The following BRIP1 variants were observed in gnomAD, a reference collection of about 807,000 sequenced individuals.
The protein encoded by BRIP1 is BRCA1 interacting DNA helicase 1, also known as Fanconi anemia group J protein.
A neutral mutation model predicts 119.7 loss-of-function variants in BRIP1; 88 were observed. The observed-to-expected ratio is 0.74, with a 90% confidence interval of 0.62 to 0.88. The LOEUF is 0.88. Ranked by LOEUF, BRIP1 falls within the 40% of genes least tolerant of loss-of-function variation. The probability of loss-of-function intolerance (pLI) is 0.00; values close to 1 mark genes in which losing one functional copy is unlikely to be tolerated. For synonymous variants in BRIP1, 443 were observed against 496.5 expected (o/e 0.89, Z 1.43); for missense variants, 1,259 against 1,455.4 (o/e 0.87, Z 2.20).
At chr17:61,781,938 T>A (rs7207212) in intron 11 of BRIP1, among the ~76,000 whole-genome samples, 24 of 149,062 alleles carry the variant, frequency 1.6e-4, no homozygotes, top group Admixed American at 2.0e-4. Flanking sequence ...AAAAAAAAAG[T>A]AAAATGTGAT....
intron 10 of BRIP1, among the ~76,000 whole-genome samples, chr17:61,788,815 AGGCACG>A (rs1043645994): frequency 2.0e-5 from 3 of 152,070 alleles, no homozygotes; most frequent in African/African-American, 7.2e-5. Flanking sequence ...AAATTAAGCC[AGGCACG>A]GGTGGCTCAT....
chr17:61,801,243 A>G lies in BRIP1; in HGVS notation c.1140+10T>C, dbSNP rs1060504332. ...AGGAAGAAGGTTCTCATTTTTACACATATACTCACACTTTCCCTTATTTGT... is the reference window on the plus strand; with the variant it reads ...AGGAAGAAGGTTCTCATTTTTACACGTATACTCACACTTTCCCTTATTTGT... On this transcript the variant is annotated intron_variant, in intron 8 of 19. Coordinates refer to ENST00000259008, the MANE Select transcript of BRIP1 (RefSeq NM_032043.3). The G allele has an allele frequency of 6.2e-7, 1 of 1,602,186 alleles. No homozygotes were observed. Among genetic ancestry groups the G allele is most frequent in the African/African-American group, 1.3e-5 (1 of 74,754 alleles).
intron 6 of BRIP1, among the ~76,000 whole-genome samples, chr17:61,839,021 A>C (rs1340287805): frequency 1.3e-5 from 2 of 152,134 alleles, no homozygotes; most frequent in Non-Finnish European, 2.9e-5. Context: ...GTCACTTTGC[A>C]AAGACTAAGA....
Position 61,683,342 on chromosome 17 carries a change from T to A in BRIP1, c.3704A>T (p.Lys1235Ile), listed in dbSNP as rs1432536152. 1.2e-6 allele frequency: 2 copies of A among 1,611,572 alleles called. No individual in the cohort carries two copies. The highest frequency in any genetic ancestry group is 1.7e-6 in the Non-Finnish European group (2 of 1,178,376). The stretch of plus-strand genomic sequence containing the variant: ...GCCTTTATTTTTGGAAGGAGATGGT[T>A]TAAAGTTCTTTATTTCTATTTCATG... Reference protein sequence around the residue: ...KTHEIEIKNFKPSPSKNKGMF... With the variant: ...KTHEIEIKNFIPSPSKNKGMF... Residue 1235 changes from lysine to isoleucine, a missense_variant, in exon 20 of 20, where the codon AAA becomes ATA. Lys to Ile is a moderately radical substitution (Grantham distance 102, BLOSUM62 -3). Coordinates refer to ENST00000259008, the MANE Select transcript of BRIP1 (RefSeq NM_032043.3). The surrounding 1 kb of genome is among the most constrained non-coding windows in gnomAD (Gnocchi z 4.7).
At position 61,725,830 on chromosome 17, in the gene BRIP1, T is replaced by C. The variant is rs1439205386; in HGVS notation, c.2380-9767A>G. ...ATTTTAGAGACGCAGTCTCACTACA[T>C]TGCCCAGGCTGGTCTTGAACTCCTG... is the stretch of plus-strand genomic sequence containing the variant. On this transcript the variant is annotated intron_variant, in intron 16 of 19. Coordinates refer to ENST00000259008, the MANE Select transcript of BRIP1 (RefSeq NM_032043.3). This position sits in a 1 kb window ranked among gnomAD's most constrained non-coding sequence, Gnocchi z 5.3. 6.6e-6 allele frequency among the ~76,000 whole-genome samples: 1 copy of C among 152,168 alleles called. No individual in the cohort carries two copies. Among genetic ancestry groups the C allele is most frequent in the African/African-American group, 2.4e-5 (1 of 41,458 alleles).
intron 4 of BRIP1, among the ~76,000 whole-genome samples, chr17:61,850,020 G>A (rs969064970): frequency 4.0e-5 from 6 of 151,676 alleles, no homozygotes; most frequent in Non-Finnish European, 8.8e-5. Flanking sequence ...TATTCTTAAA[G>A]GTACCCTCCT....
At position 61,861,822 on chromosome 17, in the gene BRIP1, C is replaced by T; in HGVS notation, c.-30-253G>A. The T allele has an allele frequency of 2.0e-6, 1 of 498,556 alleles. No individual in the cohort carries two copies. The highest frequency in any genetic ancestry group is 3.6e-6 in the Non-Finnish European group (1 of 275,054). The allele number at this position is 498,556 out of a possible 1,614,324, so 30.9% of individuals were successfully genotyped here. ...GTGTGACTTCGGGAAAGTTAGTTAC[C>T]TTCTCTAAGCCACAGTGACTGCATG... On this transcript the variant is annotated intron_variant, in intron 1 of 19. Coordinates refer to ENST00000259008, the MANE Select transcript of BRIP1 (RefSeq NM_032043.3). This position sits in a 1 kb window ranked among gnomAD's most constrained non-coding sequence, Gnocchi z 4.5.
At position 61,852,400 on chromosome 17, in the gene BRIP1, G is replaced by C. The variant is rs2145791754; in HGVS notation, c.380-3144C>G. 6.6e-6 allele frequency among the ~76,000 whole-genome samples: 1 copy of C among 152,162 alleles called. No individual in the cohort carries two copies. Among genetic ancestry groups the C allele is most frequent in the East Asian group, 1.9e-4 (1 of 5,182 alleles). On this transcript the variant is annotated intron_variant, in intron 4 of 19. Transcript: ENST00000259008. The surrounding 1 kb of genome is among the most constrained non-coding windows in gnomAD (Gnocchi z 4.9). ...TAGAAAAATGGAGGCTGGGCACGGT[G>C]GCTCACACTTGTAATTCAAGCACTT...
In BRIP1 at chr17:61,705,242, G is replaced by T. The variant is rs547315782; in HGVS notation, c.2492+10709C>A. ...TTGCTTAGGATAATGGCCTCCAGTT[G>T]CATCCATGTTGCGGCAAGGACATGA... is the stretch of plus-strand genomic sequence containing the variant. On this transcript the variant is annotated intron_variant, in intron 17 of 19. Transcript: ENST00000259008. This position sits in a 1 kb window ranked among gnomAD's most constrained non-coding sequence, Gnocchi z 5.0. 3.3e-5 allele frequency among the ~76,000 whole-genome samples: 5 copies of T among 152,176 alleles called. No homozygotes were observed. Among genetic ancestry groups the T allele is most frequent in the African/African-American group, 7.2e-5 (3 of 41,536 alleles).
At chr17:61,821,869 G>A (rs1358319596) in intron 6 of BRIP1, among the ~76,000 whole-genome samples, 2 of 152,124 alleles carry the variant, frequency 1.3e-5, no homozygotes, top group African/African-American at 4.8e-5. Context: ...GGGGCTACAG[G>A]TGAATATCAC....
intron 14 of BRIP1, among the ~76,000 whole-genome samples, chr17:61,773,960 A>G (rs1220766693): frequency 6.6e-6 from 1 of 152,194 alleles, no homozygotes; most frequent in Non-Finnish European, 1.5e-5. Flanking sequence ...GGATGTAGAG[A>G]AACAGGAACG....
intron 17 of BRIP1, among the ~76,000 whole-genome samples, chr17:61,702,145 T>C (rs971063874): frequency 1.1e-4 from 16 of 152,208 alleles, no homozygotes; most frequent in Non-Finnish European, 1.5e-5. Flanking sequence ...CTTTTAGAAA[T>C]TTCAGAGGTC....
Position 61,848,977 on chromosome 17 carries a change from G to A in BRIP1, c.507+152C>T, listed in dbSNP as rs186489207. 1.6e-3 allele frequency: 1,406 copies of A among 880,964 alleles called. 2 individuals carry two copies. The highest frequency in any genetic ancestry group is 2.1e-3 in the Non-Finnish European group (1,189 of 556,180). 54.6% of individuals were successfully genotyped at this position (880,964 alleles called of 1,614,324 possible). A position where few individuals can be genotyped will look rare whatever the true frequency, so the allele number is the denominator to read the frequency against. On this transcript the variant is annotated intron_variant, in intron 5 of 19. Coordinates refer to ENST00000259008, the MANE Select transcript of BRIP1 (RefSeq NM_032043.3). This position sits in a 1 kb window ranked among gnomAD's most constrained non-coding sequence, Gnocchi z 4.3. ...GCTATAATAAACTCCTTTGTAACAA[G>A]TAACTCTACAAAATGAAATTACAAC...
In BRIP1 at chr17:61,755,988, T is replaced by C. The variant is rs1320097607; in HGVS notation, c.2098-11397A>G. ...TTTCCACAGAACACAATGTGTTTTA[T>C]TTTAATTTCTTCAGTGGAGATTTTT... On this transcript the variant is annotated intron_variant, in intron 14 of 19. Transcript: ENST00000259008. This position sits in a 1 kb window ranked among gnomAD's most constrained non-coding sequence, Gnocchi z 4.5. Among the ~76,000 whole-genome samples the C allele has an allele frequency of 6.6e-6, 1 of 152,206 alleles. No individual in the cohort carries two copies. The highest frequency in any genetic ancestry group is 2.4e-5 in the African/African-American group (1 of 41,448).
chr17:61,732,717 T>C (rs1391058563), intron 16 of BRIP1, among the ~76,000 whole-genome samples: 3 of 151,882 alleles, frequency 2.0e-5, no homozygotes, highest in Non-Finnish European at 2.9e-5. Context: ...TTTGAGACAG[T>C]GTCTTGCTCT....
chr17:61,716,614 A>T (rs2061867331), intron 16 of BRIP1, among the ~76,000 whole-genome samples: 2 of 152,060 alleles, frequency 1.3e-5, no homozygotes, highest in Admixed American at 6.5e-5. Flanking sequence ...ACGTTTATCC[A>T]GTCTGGTAAT....
chr17:61,861,325 A>G lies in BRIP1; in HGVS notation c.93+122T>C, dbSNP rs912421752. On this transcript the variant is annotated intron_variant, in intron 2 of 19. Coordinates refer to ENST00000259008, the MANE Select transcript of BRIP1 (RefSeq NM_032043.3). The surrounding 1 kb of genome is among the most constrained non-coding windows in gnomAD (Gnocchi z 4.5). ...TTTCCCAGAGGTTAGATATTCTTCC[A>G]AGTGAACCCAGAAAATATTCTCCAT... 63 of 745,504 alleles carry G rather than the reference A, an allele frequency of 8.5e-5. 1 individual carries two copies. In the Admixed American group the frequency reaches 1.0e-3, roughly 12 times the overall value. The allele number at this position is 745,504 out of a possible 1,614,324, so 46.2% of individuals were successfully genotyped here.
chr17:61,693,998 A>C lies in BRIP1; in HGVS notation c.2493-486T>G, dbSNP rs2061488257. Among the ~76,000 whole-genome samples, 1 of 152,128 alleles carries C rather than the reference A, an allele frequency of 6.6e-6. No homozygotes were observed. The highest frequency in any genetic ancestry group is 1.5e-5 in the Non-Finnish European group (1 of 67,972). On this transcript the variant is annotated intron_variant, in intron 17 of 19. Transcript: ENST00000259008. This position sits in a 1 kb window ranked among gnomAD's most constrained non-coding sequence, Gnocchi z 4.2. ...ACACTGGTTCATTTTCAAACACTGA[A>C]TCATCCTTGCATTCCTAGTCATGGT...
rs374227928 is a variant in BRIP1 at position 61,854,620 on chromosome 17, T to A, written c.379+2438A>T. On this transcript the variant is annotated intron_variant, in intron 4 of 19. Transcript: ENST00000259008. ...TACTTGGGAGGCTGAGGCAGGAGAA[T>A]CACTTGAACCCGAGAGGCAGAGGTT... 1.9e-4 allele frequency among the ~76,000 whole-genome samples: 27 copies of A among 144,638 alleles called. 1 individual carries two copies. The South Asian group carries it at 5.8e-3, about 31-fold the overall frequency. The allele number at this position is 144,638 out of a possible 152,430, so 94.9% of individuals were successfully genotyped here.
Sources: gnomAD v4.1 joint callset for allele counts (sites outside exome capture counted in the v4.1 genomes callset) on GRCh38, gnomAD v4.1.1 for gene constraint, Gnocchi (gnomAD v3.1) non-coding constraint, MANE v1.5 for transcripts, NCBI Gene and HGNC (gene_info 2026-07-23, HGNC 2026-07-21) for gene names.